STXBP4: variants seen among roughly 807,000 people sequenced by gnomAD.
STXBP4 encodes the protein syntaxin binding protein 4.
Under a neutral mutation model 76.1 loss-of-function variants are expected in STXBP4, and 55 were observed. The observed-to-expected ratio is 0.72, with a 90% CI of 0.58 to 0.91. STXBP4 has a LOEUF of 0.91. Among genes scored for constraint, STXBP4 ranks in the 40% least tolerant of loss-of-function variants. STXBP4 has a pLI of 0.00. For missense variants in STXBP4, 618 were observed against 636.9 expected (o/e 0.97, Z 0.32); for synonymous variants, 201 against 220.2 (o/e 0.91, Z 0.77).
intron 14 of STXBP4, among the ~76,000 whole-genome samples, 160 bp downstream of exon 14, chr17:55,078,354 G>A (rs2144898141): frequency 6.6e-6 from 1 of 152,278 alleles, no homozygotes; most frequent in East Asian, 1.9e-4. Flanking sequence ...ATGATGAAAA[G>A]ACTGGCTAAC....
chr17:55,134,427 T>A (rs1039425169), intron 16 of STXBP4, among the ~76,000 whole-genome samples: 2 of 151,586 alleles, frequency 1.3e-5, no homozygotes, highest in Non-Finnish European at 2.9e-5. Flanking sequence ...GTAAAAAAAA[T>A]GCTTTACTGT....
intron 11 of STXBP4, chr17:55,043,688 T>TA (rs2078741697): frequency 6.5e-7 from 1 of 1,541,896 alleles, no homozygotes; most frequent in Non-Finnish European, 8.8e-7. Context: ...CTTTGGGAAA[T>TA]ACATTTTTTT....
intron 10 of STXBP4, among the ~76,000 whole-genome samples, chr17:55,042,039 T>TGTCCATAGATA (rs2078708360): frequency 6.6e-6 from 1 of 152,136 alleles, no homozygotes; most frequent in Non-Finnish European, 1.5e-5. Context: ...TTATGGGCAA[T>TGTCCATAGATA]GTCCATAGAT....
the STXBP4 span, among the ~76,000 whole-genome samples, chr17:55,208,100 CT>C: frequency 6.6e-6 from 1 of 150,914 alleles, no homozygotes; most frequent in African/African-American, 2.4e-5. Flanking sequence ...TTTTAATCCT[CT>C]CCACAGCTTC....
At chr17:55,067,871 G>A (rs1451055134) in intron 12 of STXBP4, among the ~76,000 whole-genome samples, 1 of 152,102 alleles carries the variant, frequency 6.6e-6, no homozygotes, top group African/African-American at 2.4e-5. Context: ...TACTGGTTAG[G>A]TAAGGAGGAG....
chr17:55,151,753 G>T (rs896432564), intron 17 of STXBP4, among the ~76,000 whole-genome samples: 17 of 152,168 alleles, frequency 1.1e-4, no homozygotes, highest in African/African-American at 3.9e-4. Context: ...TACTCTAATA[G>T]TTAAAACAAG....
At chr17:54,997,441 T>C (rs1020077361) in intron 4 of STXBP4, among the ~76,000 whole-genome samples, 1 of 151,380 alleles carries the variant, frequency 6.6e-6, no homozygotes, top group Admixed American at 6.6e-5. Flanking sequence ...TTTTTTTCTG[T>C]ACTAACACTG....
chr17:55,072,121 A>C (rs1238056661), intron 12 of STXBP4, among the ~76,000 whole-genome samples: 1 of 152,186 alleles, frequency 6.6e-6, no homozygotes, highest in African/African-American at 2.4e-5. Context: ...AGAGTAAAAC[A>C]GTAGAAAGAC....
At chr17:55,157,525 G>A (rs1027469055) in intron 17 of STXBP4, among the ~76,000 whole-genome samples, 6 of 152,220 alleles carry the variant, frequency 3.9e-5, no homozygotes, top group Admixed American at 3.3e-4. Flanking sequence ...GTGGATTATC[G>A]TCAAGAGAAT....
intron 8 of STXBP4, among the ~76,000 whole-genome samples, chr17:55,027,567 T>TA (rs2078437882): frequency 6.6e-6 from 1 of 151,870 alleles, no homozygotes; most frequent in South Asian, 2.1e-4. Flanking sequence ...GCTATTGAAA[T>TA]AAAAAAAGAA....
intron 16 of STXBP4, among the ~76,000 whole-genome samples, chr17:55,097,399 C>T (rs557506435): frequency 2.6e-5 from 4 of 152,274 alleles, no homozygotes; most frequent in Admixed American, 6.5e-5. Flanking sequence ...CGCGGTGGCT[C>T]ATGCCTGTAA....
the STXBP4 span, among the ~76,000 whole-genome samples, chr17:55,197,892 G>A: frequency 5.8e-4 from 89 of 152,240 alleles, 1 homozygote; most frequent in African/African-American, 2.0e-3. Context: ...ACCGGGGCAG[G>A]GAGGGTCTTG....
intron 8 of STXBP4, among the ~76,000 whole-genome samples, chr17:55,016,119 C>A (rs1424275606): frequency 6.6e-6 from 1 of 152,114 alleles, no homozygotes; most frequent in Non-Finnish European, 1.5e-5. Flanking sequence ...ATGCCAGCAC[C>A]CCTACTCATT....
intron 1 of STXBP4, among the ~76,000 whole-genome samples, chr17:54,980,953 TTGA>T (rs2077543117): frequency 6.6e-6 from 1 of 152,074 alleles, no homozygotes; most frequent in South Asian, 2.1e-4. Context: ...TTTGTTGTTG[TTGA>T]TGATTTGTTT....
At chr17:55,104,521 G>A (rs536768900) in intron 16 of STXBP4, among the ~76,000 whole-genome samples, 8 of 152,110 alleles carry the variant, frequency 5.3e-5, no homozygotes, top group African/African-American at 1.9e-4. Context: ...TGCTGGATCC[G>A]GTTTGCTAAT....
intron 10 of STXBP4, among the ~76,000 whole-genome samples, chr17:55,036,150 A>G (rs890518892): frequency 6.6e-6 from 1 of 151,952 alleles, no homozygotes; most frequent in Non-Finnish European, 1.5e-5. Flanking sequence ...CTTTGACATC[A>G]CTTCAAACTG....
intron 7 of STXBP4, 123 bp from the exon 8 acceptor site, chr17:55,007,383 A>G (rs1180321745): frequency 5.5e-6 from 4 of 733,002 alleles, no homozygotes; most frequent in Non-Finnish European, 9.4e-6. Context: ...AAACAAAACT[A>G]AAAGCTGCTA....
At position 55,072,980 on chromosome 17, in the gene STXBP4, T is replaced by C. The variant is rs1240112761; in HGVS notation, c.1092T>C (p.His364=). ...CTGAAGCTGCTCAGAGACAGGCACATGGAATGGAAATGGACTATGAAGAAG... is the reference window on the plus strand; with the variant it reads ...CTGAAGCTGCTCAGAGACAGGCACACGGAATGGAAATGGACTATGAAGAAG... ...HLAEAAQRQA[H]GMEMDYEEVI... is the part of the protein sequence containing the mutation. The change falls in exon 13 of 18, where the codon CAT becomes CAC. Residue 364 remains histidine (H), a synonymous_variant. Transcript: ENST00000376352. The C allele has an allele frequency of 6.2e-7, 1 of 1,613,954 alleles. No homozygotes were observed. The highest frequency in any genetic ancestry group is 8.5e-7 in the Non-Finnish European group (1 of 1,179,914).
At chr17:55,192,119 G>A in the STXBP4 span, among the ~76,000 whole-genome samples, 2 of 152,108 alleles carry the variant, frequency 1.3e-5, no homozygotes, top group Non-Finnish European at 2.9e-5. Flanking sequence ...AAAGAAATAC[G>A]TGCTATTGAA....
Sources: allele counts gnomAD v4.1 joint callset (sites outside exome capture counted in the v4.1 genomes callset), GRCh38; gene constraint gnomAD v4.1.1; transcripts MANE v1.5; gene names NCBI Gene and HGNC (gene_info 2026-07-23, HGNC 2026-07-21).